The following CFAP58 variants were observed in gnomAD, a reference collection of about 807,000 sequenced individuals.
CFAP58 encodes the protein cilia and flagella associated protein 58.
In CFAP58, 88 loss-of-function variants were observed where a neutral mutation model predicts 119.5. The observed-to-expected ratio is 0.74, with a 90% confidence interval of 0.62 to 0.88. The LOEUF is 0.88. Among genes scored for constraint, CFAP58 ranks in the 40% least tolerant of loss-of-function variants. The pLI is 0.00. For synonymous variants in CFAP58, 365 were observed against 366.3 expected (o/e 1.00, Z 0.04); for missense variants, 990 against 1,021.2 (o/e 0.97, Z 0.42).
At chr10:104,440,536 A>G (rs2013020501) in intron 15 of CFAP58, among the ~76,000 whole-genome samples, 1 of 152,182 alleles carries the variant, frequency 6.6e-6, no homozygotes, top group Non-Finnish European at 1.5e-5. Flanking sequence ...CAGCAAAACC[A>G]AAGGAAAGGA....
intron 7 of CFAP58, among the ~76,000 whole-genome samples, chr10:104,372,772 G>T (rs191874729): frequency 2.0e-5 from 3 of 152,184 alleles, no homozygotes; most frequent in Non-Finnish European, 4.4e-5. Flanking sequence ...CCCATTTGGC[G>T]TTGAGCCCAA....
chr10:104,448,175 T>C (rs7095475), intron 16 of CFAP58, among the ~76,000 whole-genome samples: 34,038 of 152,148 alleles, frequency 0.22, 4,651 homozygotes, highest in African/African-American at 0.38. Flanking sequence ...TTTAACACCA[T>C]TGACCAACTG....
chr10:104,355,337 A>G (rs1209894610), intron 1 of CFAP58, among the ~76,000 whole-genome samples: 2 of 152,188 alleles, frequency 1.3e-5, no homozygotes, highest in Admixed American at 6.5e-5. Flanking sequence ...GCTCTGCCCT[A>G]TTCAGGATAT....
chr10:104,400,991 G>A lies in CFAP58; in HGVS notation c.2039+88G>A. 4.5e-6 allele frequency: 4 copies of A among 895,518 alleles called. No individual in the cohort carries two copies. The South Asian group carries it at 6.4e-5, about 14-fold the overall frequency. 55.5% of individuals were successfully genotyped at this position (895,518 alleles called of 1,614,324 possible). On this transcript the variant is annotated intron_variant, in intron 13 of 17. Transcript: ENST00000369704. ...TTCGTAGTCATGCTTGTTGCTCATTGAAGGTCTTTATCGAGTTGTACAAAA... is the reference window on the plus strand; with the variant it reads ...TTCGTAGTCATGCTTGTTGCTCATTAAAGGTCTTTATCGAGTTGTACAAAA...
Position 104,357,924 on chromosome 10 carries a change from CACAT to C in CFAP58, c.10-415_10-412del, listed in dbSNP as rs1564875954. On this transcript the variant is annotated intron_variant, in intron 1 of 17. Transcript: ENST00000369704. Reference sequence around the variant, plus strand: ...GTACACATATACACACATATATGTACACATATACACACATATATGTACACATATA... The same window carrying C: ...GTACACATATACACACATATATGTACATACACACATATATGTACACATATA... Among the ~76,000 whole-genome samples, 45 of 70,444 alleles carry C rather than the reference CACAT, an allele frequency of 6.4e-4. 4 individuals carry two copies. Among genetic ancestry groups the C allele is most frequent in the Admixed American group, 1.4e-3 (12 of 8,756 alleles). The allele number at this position is 70,444 out of a possible 152,430, so 46.2% of individuals were successfully genotyped here.
At chr10:104,399,105 A>G (rs1215711409) in intron 11 of CFAP58, among the ~76,000 whole-genome samples, 1 of 152,156 alleles carries the variant, frequency 6.6e-6, no homozygotes, top group African/African-American at 2.4e-5. Context: ...TAGAAAAATG[A>G]TAGAAATCCC....
At chr10:104,430,988 C>T (rs553798897) in intron 15 of CFAP58, among the ~76,000 whole-genome samples, 69 of 152,320 alleles carry the variant, frequency 4.5e-4, no homozygotes, top group African/African-American at 1.4e-3. Flanking sequence ...TTGATAGCCA[C>T]GGGTGGCTAG....
rs567452069 is a variant in CFAP58 at position 104,374,926 on chromosome 10, G to C, written c.1091-1885G>C. On this transcript the variant is annotated intron_variant, in intron 7 of 17. Coordinates refer to ENST00000369704, the MANE Select transcript of CFAP58 (RefSeq NM_001008723.2). ...TAAATAAATTATGTATTTTCACACA[G>C]TGAAAAACCATGGGTTTTTAAAAAT... Among the ~76,000 whole-genome samples the C allele has an allele frequency of 2.6e-4, 40 of 151,178 alleles. 1 individual carries two copies. The highest frequency in any genetic ancestry group is 9.0e-4 in the African/African-American group (37 of 41,288).
Position 104,447,787 on chromosome 10 carries a change from C to G in CFAP58, c.2346C>G (p.Arg782=). ...CGGAACAGCTGAAGCTGTACCGACGCACGCTGCATGACAAGAAGCAGCAGC... is the reference window on the plus strand; with the variant it reads ...CGGAACAGCTGAAGCTGTACCGACGGACGCTGCATGACAAGAAGCAGCAGC... ...EAAEQLKLYR[R]TLHDKKQQLK... is the part of the protein sequence containing the mutation. The change falls in exon 16 of 18, where the codon CGC becomes CGG. Residue 782 remains arginine, a synonymous_variant. Transcript: ENST00000369704. 1 of 1,614,010 alleles carries G rather than the reference C, an allele frequency of 6.2e-7. No homozygotes were observed. Among genetic ancestry groups the G allele is most frequent in the Non-Finnish European group, 8.5e-7 (1 of 1,179,904 alleles).
intron 15 of CFAP58, among the ~76,000 whole-genome samples, chr10:104,426,501 A>T (rs1005290320): frequency 1.3e-5 from 2 of 150,700 alleles, no homozygotes; most frequent in African/African-American, 4.9e-5. Flanking sequence ...CTTGGACCTT[A>T]AGACTGTTTA....
At chr10:104,424,011 G>A (rs183047375) in intron 15 of CFAP58, among the ~76,000 whole-genome samples, 54 of 152,216 alleles carry the variant, frequency 3.5e-4, no homozygotes, top group East Asian at 2.3e-3. Flanking sequence ...TTATAGAATC[G>A]TTTAGATTGG....
chr10:104,360,685 C>A (rs1016764038), intron 2 of CFAP58, among the ~76,000 whole-genome samples: 6 of 152,078 alleles, frequency 3.9e-5, no homozygotes, highest in African/African-American at 1.2e-4. Flanking sequence ...TCTATGTGTC[C>A]ATGTGTTCTC....
chr10:104,437,287 C>T (rs1438441894), intron 15 of CFAP58, among the ~76,000 whole-genome samples: 1 of 152,214 alleles, frequency 6.6e-6, no homozygotes, highest in Admixed American at 6.5e-5. Flanking sequence ...TCTATTACTC[C>T]TTTCTAGTAT....
chr10:104,368,956 AC>A (rs978262988), intron 6 of CFAP58, among the ~76,000 whole-genome samples: 2 of 152,096 alleles, frequency 1.3e-5, no homozygotes, highest in Non-Finnish European at 2.9e-5. Context: ...GACTGATACT[AC>A]CTAGGGTCTA....
In CFAP58 at chr10:104,358,498, A is replaced by C. The variant is rs770714226; in HGVS notation, c.167A>C (p.Asn56Thr). Residue 56 changes from asparagine (N) to threonine (T), a missense_variant, in exon 2 of 18, where the codon AAT becomes ACT. Coordinates refer to ENST00000369704, the MANE Select transcript of CFAP58 (RefSeq NM_001008723.2). Reference sequence around the variant, plus strand: ...GCTGTCATGAAAAAGTCTTATGACAATGAAAAGCGTCTGATGGCCAAATGC... The same window carrying C: ...GCTGTCATGAAAAAGTCTTATGACACTGAAAAGCGTCTGATGGCCAAATGC... ...LHAVMKKSYD[N>T]EKRLMAKCRE... 6.8e-6 allele frequency: 11 copies of C among 1,614,024 alleles called. No homozygotes were observed. Among genetic ancestry groups the C allele is most frequent in the Non-Finnish European group, 8.5e-6 (10 of 1,180,022 alleles).
intron 2 of CFAP58, among the ~76,000 whole-genome samples, chr10:104,359,993 C>A (rs2014644631): frequency 6.6e-6 from 1 of 152,134 alleles, no homozygotes; most frequent in Non-Finnish European, 1.5e-5. Context: ...AAATATTGCA[C>A]AAACTGACAT....
At chr10:104,410,687 C>T (rs373414062) in intron 15 of CFAP58, among the ~76,000 whole-genome samples, 1 of 152,048 alleles carries the variant, frequency 6.6e-6, no homozygotes, top group South Asian at 2.1e-4. Context: ...TTCAGAGTTT[C>T]AGCACAACGC....
At chr10:104,379,536 G>A (rs7908698) in intron 8 of CFAP58, among the ~76,000 whole-genome samples, 26,989 of 152,206 alleles carry the variant, frequency 0.18, 4,779 homozygotes, top group African/African-American at 0.45. Flanking sequence ...ATTGGGTCAT[G>A]TGTTAATTCT....
chr10:104,453,289 T>G (rs2013223489), intron 17 of CFAP58, among the ~76,000 whole-genome samples: 2 of 152,100 alleles, frequency 1.3e-5, no homozygotes, highest in South Asian at 4.1e-4. Flanking sequence ...TGGAGAATGG[T>G]TTTTCACCAT....
Sources: gnomAD v4.1 joint callset for allele counts (sites outside exome capture counted in the v4.1 genomes callset) on GRCh38, gnomAD v4.1.1 for gene constraint, MANE v1.5 for transcripts, NCBI Gene and HGNC (gene_info 2026-07-23, HGNC 2026-07-21) for gene names.